EPHA2: variants seen among roughly 807,000 people sequenced by gnomAD.
The protein encoded by EPHA2 is ephrin type-A receptor 2.
In EPHA2, 54 loss-of-function variants were observed where a neutral mutation model predicts 104.9. That is an observed-to-expected ratio of 0.51 (90% CI 0.41 to 0.65). EPHA2 has a LOEUF of 0.65. Among genes scored for constraint, EPHA2 ranks in the 30% least tolerant of loss-of-function variants. The pLI, the probability that EPHA2 is intolerant of heterozygous loss-of-function variation, is 0.00. For synonymous variants in EPHA2, 560 were observed against 559.1 expected (o/e 1.00, Z -0.02); for missense variants, 1,117 against 1,369.5 (o/e 0.82, Z 2.91).
At chr1:16,129,365 G>T (rs981663395) in intron 16 of EPHA2, 69 bp downstream of exon 16, 9 of 1,560,390 alleles carry the variant, frequency 5.8e-6, no homozygotes, top group African/African-American at 5.4e-5. Context: ...GAGGGCTGGG[G>T]GGGGCATGGA....
Position 16,134,481 on chromosome 1 carries a change from A to G in EPHA2, c.1669T>C (p.Phe557Leu), listed in dbSNP as rs768245462. Residue 557 changes from phenylalanine (F) to leucine (L), a missense_variant, in exon 8 of 17, where the codon TTT becomes CTT. Transcript: ENST00000358432. This position sits in a 1 kb window ranked among gnomAD's most constrained non-coding sequence, Gnocchi z 4.5. Reference protein sequence around the residue: ...LLLVLAGVGFFIHRRRKNQRA... With the variant: ...LLLVLAGVGFLIHRRRKNQRA... ...GCTCTGACGAACCTGCGGTGGATAA[A>G]GAAGCCAACTCCTGCCAGCACCAGA... 2 of 1,614,114 alleles carry G rather than the reference A, an allele frequency of 1.2e-6. No individual in the cohort carries two copies. The highest frequency in any genetic ancestry group is 3.3e-5 in the Admixed American group (2 of 60,026).
intron 3 of EPHA2, among the ~76,000 whole-genome samples, chr1:16,143,158 T>TG (rs1553136565): frequency 2.4e-5 from 3 of 122,952 alleles, no homozygotes; most frequent in South Asian, 2.9e-4. Context: ...AATGGATGGA[T>TG]GATGGATGGA....
intron 15 of EPHA2, 61 bp from the exon 16 acceptor site, chr1:16,129,650 CCTG>C: frequency 1.3e-6 from 2 of 1,543,802 alleles, no homozygotes; most frequent in South Asian, 2.3e-5. Flanking sequence ...GGGCCCTGCA[CCTG>C]CTGCTCCCTA....
intron 4 of EPHA2, 33 bp downstream of exon 4, chr1:16,138,242 A>G: frequency 6.2e-7 from 1 of 1,612,826 alleles, no homozygotes; most frequent in Non-Finnish European, 8.5e-7. Flanking sequence ...CGTCACCCTC[A>G]GTCACGCCAC....
chr1:16,130,631 C>CT lies in EPHA2; in HGVS notation c.2476-213dup, dbSNP rs112874800. ...TGTGTCCAGAGTTCACTGGAAGGGA[C>CT]TTTTTTTTTTTTGACTGAGACAGGG... On this transcript the variant is annotated intron_variant, in intron 14 of 16. Transcript: ENST00000358432. The surrounding 1 kb of genome is among the most constrained non-coding windows in gnomAD (Gnocchi z 4.5). 0.023 allele frequency among the ~76,000 whole-genome samples: 3,304 copies of CT among 145,226 alleles called. 121 individuals are homozygous for CT. Among genetic ancestry groups the CT allele is most frequent in the African/African-American group, 0.076 (3,011 of 39,776 alleles).
intron 11 of EPHA2, 134 bp from the exon 12 acceptor site, chr1:16,132,573 G>C: frequency 1.1e-6 from 1 of 947,274 alleles, no homozygotes; most frequent in Non-Finnish European, 1.7e-6. Context: ...AACAGGTGTG[G>C]GGAGGGTGGG....
intron 3 of EPHA2, among the ~76,000 whole-genome samples, chr1:16,138,682 G>A (rs951240872): frequency 2.0e-5 from 3 of 152,190 alleles, no homozygotes; most frequent in African/African-American, 4.8e-5. Context: ...ACTGGCTCCT[G>A]CAAGAAGCAC....
rs1220164494 is a variant in EPHA2, at chr1:16,128,021, C to T, written c.2825+1413G>A. Reference sequence around the variant, plus strand: ...GGGAGCCCCTGGAGGAGCAAAGGGTCTGGTGGATGTTCCCAGGAAAAAGGA... The same window carrying T: ...GGGAGCCCCTGGAGGAGCAAAGGGTTTGGTGGATGTTCCCAGGAAAAAGGA... On this transcript the variant is annotated intron_variant, in intron 16 of 16. Coordinates refer to ENST00000358432, the MANE Select transcript of EPHA2 (RefSeq NM_004431.5). The surrounding 1 kb of genome is among the most constrained non-coding windows in gnomAD (Gnocchi z 4.7). 6.6e-6 allele frequency among the ~76,000 whole-genome samples: 1 copy of T among 152,086 alleles called. No individual in the cohort carries two copies. Among genetic ancestry groups the T allele is most frequent in the Non-Finnish European group, 1.5e-5 (1 of 68,016 alleles).
chr1:16,134,006 A>G lies in EPHA2; in HGVS notation c.1683-91T>C. On this transcript the variant is annotated intron_variant, in intron 8 of 16. Coordinates refer to ENST00000358432, the MANE Select transcript of EPHA2 (RefSeq NM_004431.5). The surrounding 1 kb of genome is among the most constrained non-coding windows in gnomAD (Gnocchi z 4.5). ...CTCCTGGCCCTACTTTGGTCCTAGG[A>G]GGACCTGGGGTGCTCAGAATGCGGC... 1 of 1,369,134 alleles carries G rather than the reference A, an allele frequency of 7.3e-7. No homozygotes were observed. Among genetic ancestry groups the G allele is most frequent in the Non-Finnish European group, 1.0e-6 (1 of 1,001,276 alleles). The allele number at this position is 1,369,134 out of a possible 1,614,324, so 84.8% of individuals were successfully genotyped here.
chr1:16,140,877 AG>A (rs2024811786), intron 3 of EPHA2, among the ~76,000 whole-genome samples: 1 of 152,146 alleles, frequency 6.6e-6, no homozygotes, highest in Admixed American at 6.5e-5. Flanking sequence ...CTGGGATTAC[AG>A]GCGTGAGCCA....
At chr1:16,129,116 G>A (rs571600569) in intron 16 of EPHA2, among the ~76,000 whole-genome samples, 3 of 151,128 alleles carry the variant, frequency 2.0e-5, no homozygotes, top group South Asian at 2.1e-4. Context: ...GACTCACCCC[G>A]CTGGGTTCTC....
At chr1:16,140,842 C>T (rs770884748) in intron 3 of EPHA2, among the ~76,000 whole-genome samples, 4 of 152,168 alleles carry the variant, frequency 2.6e-5, no homozygotes, top group Non-Finnish European at 5.9e-5. Flanking sequence ...CTCAAGTGAT[C>T]CACCCGTCTC....
At chr1:16,151,304 G>A (rs1037112874) in intron 1 of EPHA2, among the ~76,000 whole-genome samples, 1 of 152,186 alleles carries the variant, frequency 6.6e-6, no homozygotes, top group Admixed American at 6.5e-5. Flanking sequence ...CAGCAGCTGG[G>A]CAGAGAGCTG....
In EPHA2 at chr1:16,135,526, G is replaced by A. The variant is rs1452628537; in HGVS notation, c.1428+129C>T. The A allele has an allele frequency of 2.2e-6, 2 of 906,210 alleles. No individual in the cohort carries two copies. Among genetic ancestry groups the A allele is most frequent in the African/African-American group, 3.3e-5 (2 of 61,242 alleles). The allele number at this position is 906,210 out of a possible 1,614,324, so 56.1% of individuals were successfully genotyped here. A position where few individuals can be genotyped will look rare whatever the true frequency, so the allele number is the denominator to read the frequency against. On this transcript the variant is annotated intron_variant, in intron 6 of 16. Coordinates refer to ENST00000358432, the MANE Select transcript of EPHA2 (RefSeq NM_004431.5). The surrounding 1 kb of genome is among the most constrained non-coding windows in gnomAD (Gnocchi z 4.3). ...AGATGTAACCCCCTGGCAGACCCCAGGCCTCAGTTTCCCCATCTGCAGAAG... is the reference window on the plus strand; with the variant it reads ...AGATGTAACCCCCTGGCAGACCCCAAGCCTCAGTTTCCCCATCTGCAGAAG...
chr1:16,139,555 A>AG (rs1318828891), intron 3 of EPHA2, among the ~76,000 whole-genome samples: 1 of 152,182 alleles, frequency 6.6e-6, no homozygotes, highest in Non-Finnish European at 1.5e-5. Flanking sequence ...AGACAGAGGG[A>AG]GGAAACAAGC....
chr1:16,145,798 T>G (rs538142567), intron 3 of EPHA2, among the ~76,000 whole-genome samples: 138 of 152,332 alleles, frequency 9.1e-4, no homozygotes, highest in Non-Finnish European at 1.7e-3. Flanking sequence ...TGACCCATCC[T>G]GCAGCCTGGG....
At chr1:16,152,462 C>T (rs568887609) in intron 1 of EPHA2, among the ~76,000 whole-genome samples, 2 of 138,474 alleles carry the variant, frequency 1.4e-5, no homozygotes, top group Non-Finnish European at 1.6e-5. Flanking sequence ...AATGTGACAC[C>T]GGCCCCATGA....
intron 2 of EPHA2, 26 bp from the exon 3 acceptor site, chr1:16,149,073 G>C: frequency 6.2e-7 from 1 of 1,608,502 alleles, no homozygotes; most frequent in Non-Finnish European, 8.5e-7. Flanking sequence ...ACAGGTTAGT[G>C]TGGGCAGGTG....
At position 16,132,220 on chromosome 1, in the gene EPHA2, G is replaced by A. The variant is rs372191320; in HGVS notation, c.2169C>T (p.Ile723=). 39 of 1,614,180 alleles carry A rather than the reference G, an allele frequency of 2.4e-5. No individual in the cohort carries two copies. Among genetic ancestry groups the A allele is most frequent in the Admixed American group, 2.3e-4 (14 of 60,034 alleles). The part of the protein sequence containing the change: ...VLQLVGMLRG[I]AAGMKYLANM... ...TGGCCAGGTACTTCATGCCAGCTGC[G>A]ATGCCCCGCAGCATGCCCACCAGCT... is the stretch of plus-strand genomic sequence containing the variant. The change falls in exon 13 of 17, where the codon ATC becomes ATT. Residue 723 remains isoleucine (I), a synonymous_variant. Transcript: ENST00000358432.
Sources: allele counts gnomAD v4.1 joint callset (sites outside exome capture counted in the v4.1 genomes callset), GRCh38; gene constraint gnomAD v4.1.1; non-coding constraint Gnocchi (gnomAD v3.1); transcripts MANE v1.5; gene names NCBI Gene and HGNC (gene_info 2026-07-23, HGNC 2026-07-21).